The following ST6GALNAC3 variants were observed in gnomAD, a reference collection of about 807,000 sequenced individuals.
The protein encoded by ST6GALNAC3 is alpha-N-acetylgalactosaminide alpha-2,6-sialyltransferase 3.
ST6GALNAC3 carries 25 observed loss-of-function variants against 32.7 expected under a neutral mutation model. That is an observed-to-expected ratio of 0.76 (90% CI 0.56 to 1.07). The LOEUF (loss-of-function observed/expected upper bound fraction) is 1.07. Among genes scored for constraint, ST6GALNAC3 ranks in the 50% least tolerant of loss-of-function variants. The pLI is 0.00. For synonymous variants in ST6GALNAC3, 129 were observed against 133.1 expected, an observed-to-expected ratio of 0.97 and a Z score of 0.21; for missense variants, 355 against 382.4, an observed-to-expected ratio of 0.93 and a Z score of 0.60.
chr1:76,360,827 C>A (rs1254290579), intron 2 of ST6GALNAC3, among the ~76,000 whole-genome samples: 1 of 152,106 alleles, frequency 6.6e-6, no homozygotes, highest in Non-Finnish European at 1.5e-5. Flanking sequence ...AAGTTTAGAA[C>A]CTCGTTGGCC....
At chr1:76,159,789 C>G (rs1449228659) in intron 1 of ST6GALNAC3, among the ~76,000 whole-genome samples, 1 of 152,162 alleles carries the variant, frequency 6.6e-6, no homozygotes, top group Non-Finnish European at 1.5e-5. Context: ...CACAGAATAC[C>G]TACACATGCC....
chr1:76,074,841 GGTGGCA>G lies in ST6GALNAC3; in HGVS notation c.-24_-19del, dbSNP rs772858358. ...CCTGACCCAGGCGCGCCCGCTGCTC[GGTGGCA>G]GGAGGGCCGGCGGAGCGCCATGGCC... On this transcript the variant is annotated 5_prime_UTR_variant, in exon 1 of 5. Transcript: ENST00000328299. 12 of 1,582,820 alleles carry G rather than the reference GGTGGCA, an allele frequency of 7.6e-6. No individual in the cohort carries two copies. In the East Asian group the frequency reaches 2.5e-4, roughly 34 times the overall value.
intron 1 of ST6GALNAC3, among the ~76,000 whole-genome samples, chr1:76,075,395 T>G (rs906945906): frequency 6.6e-6 from 1 of 152,222 alleles, no homozygotes; most frequent in Admixed American, 6.5e-5. Flanking sequence ...GAATGAGTTT[T>G]CTATGAGATC....
intron 3 of ST6GALNAC3, among the ~76,000 whole-genome samples, chr1:76,507,404 A>G (rs796236885): frequency 2.6e-5 from 4 of 152,286 alleles, no homozygotes; most frequent in African/African-American, 9.6e-5. Flanking sequence ...CACCACTCCA[A>G]AATTAAGCCG....
chr1:76,147,064 C>CTT lies in ST6GALNAC3; in HGVS notation c.18+72196_18+72197dup, dbSNP rs35731973. ...CTTCTACTGATCACTCCCCCCACTT[C>CTT]TTTTTTTTTTTTTTTTTGAGACTAG... On this transcript the variant is annotated intron_variant, in intron 1 of 4. Transcript: ENST00000328299. Among the ~76,000 whole-genome samples, 358 of 136,344 alleles carry CTT rather than the reference C, an allele frequency of 2.6e-3. 3 individuals are homozygous for CTT. The highest frequency in any genetic ancestry group is 7.0e-3 in the African/African-American group (260 of 37,108). The allele number at this position is 136,344 out of a possible 152,430, so 89.4% of individuals were successfully genotyped here.
chr1:76,390,658 A>C (rs1452008035), intron 2 of ST6GALNAC3, among the ~76,000 whole-genome samples: 1 of 152,156 alleles, frequency 6.6e-6, no homozygotes, highest in Non-Finnish European at 1.5e-5. Context: ...ACATGCTCAG[A>C]GCTTGCCAGC....
chr1:76,391,867 A>G (rs1571071060), intron 2 of ST6GALNAC3, among the ~76,000 whole-genome samples: 2 of 152,350 alleles, frequency 1.3e-5, no homozygotes, highest in Admixed American at 6.5e-5. Flanking sequence ...CTAAGGAAGT[A>G]GACAGTTGTG....
At chr1:76,572,469 C>A (rs545633064) in intron 3 of ST6GALNAC3, among the ~76,000 whole-genome samples, 21 of 152,072 alleles carry the variant, frequency 1.4e-4, no homozygotes, top group African/African-American at 5.1e-4. Flanking sequence ...TGGTAGCTTC[C>A]CCAAGAATAG....
intron 3 of ST6GALNAC3, among the ~76,000 whole-genome samples, chr1:76,457,575 T>C (rs6593542): frequency 0.84 from 126,792 of 151,308 alleles, 53,491 homozygotes; most frequent in African/African-American, 0.9. Flanking sequence ...TCAGAAATAA[T>C]GCCGCATATC....
At chr1:76,495,617 TC>T in intron 3 of ST6GALNAC3, among the ~76,000 whole-genome samples, 1 of 152,220 alleles carries the variant, frequency 6.6e-6, no homozygotes, top group African/African-American at 2.4e-5. Context: ...CTTTTTTTCT[TC>T]CCCTCCAACT....
In ST6GALNAC3 at chr1:76,509,483, A is replaced by G. The variant is rs1012880549; in HGVS notation, c.623+97066A>G. On this transcript the variant is annotated intron_variant, in intron 3 of 4. Transcript: ENST00000328299. This position sits in a 1 kb window ranked among gnomAD's most constrained non-coding sequence, Gnocchi z 5.5. ...CTTTGAAATGTAAGAGCAGTTCTTG[A>G]GGTATTGAATCTACATGAAAGGGAT... is the stretch of plus-strand genomic sequence containing the variant. Among the ~76,000 whole-genome samples the G allele has an allele frequency of 2.0e-5, 3 of 152,174 alleles. No homozygotes were observed. Among genetic ancestry groups the G allele is most frequent in the Non-Finnish European group, 4.4e-5 (3 of 68,034 alleles).
At chr1:76,567,523 T>C (rs1665623857) in intron 3 of ST6GALNAC3, among the ~76,000 whole-genome samples, 1 of 152,164 alleles carries the variant, frequency 6.6e-6, no homozygotes, top group African/African-American at 2.4e-5. Flanking sequence ...TTTCTTTCCT[T>C]TTATACAATA....
At chr1:76,634,835 G>A (rs574668955), downstream of ST6GALNAC3, among the ~76,000 whole-genome samples, 102 of 94,532 alleles carry the variant, frequency 1.1e-3, 19 homozygotes, top group East Asian at 0.019. Context: ...AAGTAGCTGG[G>A]ACTACAGGCG....
intron 3 of ST6GALNAC3, among the ~76,000 whole-genome samples, chr1:76,592,351 C>T (rs763923572): frequency 1.1e-4 from 16 of 152,130 alleles, no homozygotes; most frequent in East Asian, 5.8e-4. Flanking sequence ...AACAAAGAGA[C>T]GGGGTGATGA....
intron 3 of ST6GALNAC3, among the ~76,000 whole-genome samples, chr1:76,570,626 GC>G (rs1329305465): frequency 6.6e-6 from 1 of 151,958 alleles, no homozygotes; most frequent in Non-Finnish European, 1.5e-5. Context: ...GAATAAACTT[GC>G]CAATGACATC....
At chr1:76,327,585 A>G (rs1042012185) in intron 2 of ST6GALNAC3, among the ~76,000 whole-genome samples, 2 of 152,140 alleles carry the variant, frequency 1.3e-5, no homozygotes, top group African/African-American at 2.4e-5. Flanking sequence ...TCTACAAAAT[A>G]TCTTCACAGA....
chr1:76,120,648 C>T (rs1271071050), intron 1 of ST6GALNAC3, among the ~76,000 whole-genome samples: 2 of 152,280 alleles, frequency 1.3e-5, no homozygotes, highest in African/African-American at 2.4e-5. Flanking sequence ...TTATCACCTG[C>T]CTACTTGATA....
At chr1:76,464,246 C>G (rs574347597) in intron 3 of ST6GALNAC3, among the ~76,000 whole-genome samples, 6 of 152,098 alleles carry the variant, frequency 3.9e-5, no homozygotes, top group African/African-American at 1.4e-4. Context: ...AAAAGACTTA[C>G]GTATTTGTAC....
chr1:76,428,886 C>T (rs1655569446), intron 3 of ST6GALNAC3, among the ~76,000 whole-genome samples: 1 of 152,094 alleles, frequency 6.6e-6, no homozygotes, highest in East Asian at 1.9e-4. Context: ...TATGCGGAGA[C>T]ATTAGTGATA....
Sources: allele counts gnomAD v4.1 joint callset (sites outside exome capture counted in the v4.1 genomes callset), GRCh38; gene constraint gnomAD v4.1.1; non-coding constraint Gnocchi (gnomAD v3.1); transcripts MANE v1.5; gene names NCBI Gene and HGNC (gene_info 2026-07-23, HGNC 2026-07-21).